HTT: variants seen among roughly 807,000 people sequenced by gnomAD.
The protein encoded by HTT is huntingtin, also known as huntington disease protein.
In HTT, 104 loss-of-function variants were observed where a neutral mutation model predicts 362.3. That is an observed-to-expected ratio of 0.29 (90% CI 0.24 to 0.34). The LOEUF (loss-of-function observed/expected upper bound fraction) is 0.34. HTT is among the 10% of genes least tolerant of loss of function. The probability of loss-of-function intolerance (pLI) is 1.00; values close to 1 mark genes in which losing one functional copy is unlikely to be tolerated. For synonymous variants in HTT, 1,577 were observed against 1,548.7 expected (o/e 1.02, Z -0.43); for missense variants, 3,301 against 3,928.6 (o/e 0.84, Z 4.27).
At chr4:3,134,756 A>C (rs888604516) in intron 19 of HTT, among the ~76,000 whole-genome samples, 3 of 152,032 alleles carry the variant, frequency 2.0e-5, no homozygotes, top group Non-Finnish European at 4.4e-5. Context: ...TAGAGACAAG[A>C]TCTTGCTCTG....
chr4:3,102,885 C>T (rs143956432), intron 3 of HTT, among the ~76,000 whole-genome samples: 45 of 152,264 alleles, frequency 3.0e-4, no homozygotes, highest in African/African-American at 1.0e-3. Context: ...TTTAGCCTCA[C>T]AAGTGAGCAA....
chr4:3,214,205 T>G, intron 50 of HTT, 70 bp downstream of exon 50: 4 of 1,236,202 alleles, frequency 3.2e-6, no homozygotes, highest in Non-Finnish European at 4.2e-6. Context: ...TTTTATTTTG[T>G]GCTGCCTGTT....
At chr4:3,086,012 G>A (rs902658168) in intron 1 of HTT, among the ~76,000 whole-genome samples, 2 of 152,198 alleles carry the variant, frequency 1.3e-5, no homozygotes, top group African/African-American at 4.8e-5. Flanking sequence ...ACTGAGGTCT[G>A]TGTGGTATGT....
intron 19 of HTT, 72 bp from the exon 20 acceptor site, chr4:3,135,832 C>T: frequency 7.8e-7 from 1 of 1,287,186 alleles, no homozygotes; most frequent in Admixed American, 2.3e-5. Context: ...TGAGCCTGCT[C>T]TGGAGCAAGC....
intron 23 of HTT, among the ~76,000 whole-genome samples, chr4:3,144,892 G>A (rs188851107): frequency 2.6e-5 from 4 of 152,246 alleles, no homozygotes; most frequent in African/African-American, 7.2e-5. Flanking sequence ...GTTGAGAGGC[G>A]GAAGGGTGGG....
At chr4:3,231,983 T>A (rs770139859) in intron 60 of HTT, among the ~76,000 whole-genome samples, 4 of 151,998 alleles carry the variant, frequency 2.6e-5, no homozygotes, top group Admixed American at 6.5e-5. Context: ...TCTGTGAAGG[T>A]TTTCAGCGCG....
chr4:3,210,167 C>T (rs578023114), intron 47 of HTT, among the ~76,000 whole-genome samples: 46 of 152,204 alleles, frequency 3.0e-4, no homozygotes, highest in Admixed American at 2.6e-3. Context: ...TTATGCTGAT[C>T]GAGACAGAAA....
intron 53 of HTT, among the ~76,000 whole-genome samples, chr4:3,221,470 C>T (rs529600460): frequency 1.1e-4 from 16 of 152,206 alleles, no homozygotes; most frequent in Non-Finnish European, 1.8e-4. Context: ...TGTCTGTGCT[C>T]ATTTTCTTTG....
intron 40 of HTT, among the ~76,000 whole-genome samples, chr4:3,189,301 G>C (rs1291945283): frequency 6.6e-6 from 1 of 152,194 alleles, no homozygotes; most frequent in African/African-American, 2.4e-5. Context: ...TGGAAAGCAG[G>C]GTGGTGAAAA....
intron 24 of HTT, among the ~76,000 whole-genome samples, chr4:3,146,025 A>T (rs149621708): frequency 3.3e-5 from 5 of 152,360 alleles, no homozygotes; most frequent in Non-Finnish European, 2.9e-5. Context: ...TACAGTTCTA[A>T]TACTTTTTAC....
chr4:3,099,462 A>G (rs1714034754), intron 3 of HTT, 68 bp downstream of exon 3: 2 of 1,598,198 alleles, frequency 1.3e-6, no homozygotes, highest in Non-Finnish European at 1.7e-6. Flanking sequence ...AGAAGCGATC[A>G]TTGAGTGTTC....
At chr4:3,098,395 T>G (rs145401051) in intron 2 of HTT, among the ~76,000 whole-genome samples, 271 of 152,340 alleles carry the variant, frequency 1.8e-3, no homozygotes, top group African/African-American at 6.3e-3. Context: ...GTAGTTAGAT[T>G]GGGATCATGA....
intron 40 of HTT, among the ~76,000 whole-genome samples, chr4:3,196,504 A>G (rs1204621585): frequency 1.3e-5 from 2 of 152,198 alleles, no homozygotes; most frequent in Non-Finnish European, 1.5e-5. Context: ...TTGGGAAGCC[A>G]AGGTGGGCAG....
At chr4:3,087,344 C>T (rs1713260517) in intron 2 of HTT, among the ~76,000 whole-genome samples, 1 of 152,178 alleles carries the variant, frequency 6.6e-6, no homozygotes, top group Admixed American at 6.5e-5. Flanking sequence ...GCATTTGTTG[C>T]AATAGTAGGA....
Position 3,107,378 on chromosome 4 carries a change from A to G in HTT, c.702A>G (p.Lys234=). The part of the protein sequence containing the change: ...VQETLAAAVP[K]IMASFGNFAN... ...AGACCTTGGCTGCAGCTGTTCCCAA[A>G]ATTATGGCTTCTTTTGGCAATTTTG... is the stretch of plus-strand genomic sequence containing the variant. The change falls in exon 6 of 67, where the codon AAA becomes AAG. Residue 234 remains lysine, a synonymous_variant. Coordinates refer to ENST00000355072, the MANE Select transcript of HTT (RefSeq NM_001388492.1). The G allele has an allele frequency of 1.2e-6, 2 of 1,614,170 alleles. No homozygotes were observed. The highest frequency in any genetic ancestry group is 8.5e-7 in the Non-Finnish European group (1 of 1,180,022).
intron 9 of HTT, among the ~76,000 whole-genome samples, chr4:3,122,681 G>C (rs1226846275): frequency 1.3e-5 from 2 of 151,990 alleles, no homozygotes; most frequent in Non-Finnish European, 2.9e-5. Flanking sequence ...TGATTTCTTA[G>C]GTCATATCTT....
At chr4:3,233,116 A>T (rs1193771871) in intron 60 of HTT, 47 bp from the exon 61 acceptor site, 1 of 1,500,930 alleles carries the variant, frequency 6.7e-7, no homozygotes, top group Admixed American at 1.8e-5. Flanking sequence ...AGCCACTGGG[A>T]CGTGAGCTCT....
In HTT at chr4:3,102,784, C is replaced by T. The variant is rs180903428; in HGVS notation, c.469-1040C>T. Among the ~76,000 whole-genome samples the T allele has an allele frequency of 1.6e-3, 239 of 152,378 alleles. 2 individuals are homozygous for T. Among genetic ancestry groups the T allele is most frequent in the Admixed American group, 2.7e-3 (42 of 15,304 alleles). ...GGCACCAAAGTCTTCCCTGTCCCAT[C>T]CCCTAGCTTGAGAAGCCCTTCTCTA... On this transcript the variant is annotated intron_variant, in intron 3 of 66. Transcript: ENST00000355072.
chr4:3,136,025 T>C (rs1472211559), intron 20 of HTT, 58 bp downstream of exon 20: 24 of 1,268,992 alleles, frequency 1.9e-5, no homozygotes, highest in Non-Finnish European at 2.7e-5. Flanking sequence ...AAAGTGAGGC[T>C]TTCCTTGTGG....
Sources: allele counts gnomAD v4.1 joint callset (sites outside exome capture counted in the v4.1 genomes callset), GRCh38; gene constraint gnomAD v4.1.1; transcripts MANE v1.5; gene names NCBI Gene and HGNC (gene_info 2026-07-23, HGNC 2026-07-21).